Variants in MSH3 observed in about 807,000 individuals in gnomAD.
MSH3 encodes mutS homolog 3.
A neutral mutation model predicts 123.3 loss-of-function variants in MSH3; 106 were observed. The observed-to-expected ratio is 0.86, with a 90% CI of 0.73 to 1.01. MSH3 has a LOEUF of 1.01. Ranked by LOEUF, MSH3 falls within the 50% of genes least tolerant of loss-of-function variation. The pLI, the probability that MSH3 is intolerant of heterozygous loss-of-function variation, is 0.00. For synonymous variants in MSH3, 515 were observed against 481.4 expected (o/e 1.07, Z -0.91); for missense variants, 1,459 against 1,347.6 (o/e 1.08, Z -1.29).
chr5:80,802,679 AACTATATGTTTGT>A lies in MSH3; in HGVS notation c.2655+9838_2655+9850del, dbSNP rs1744811365. 2.0e-5 allele frequency among the ~76,000 whole-genome samples: 3 copies of A among 152,072 alleles called. No individual in the cohort carries two copies. The South Asian group carries it at 6.2e-4, about 32-fold the overall frequency. On this transcript the variant is annotated intron_variant, in intron 19 of 23. Coordinates refer to ENST00000265081, the MANE Select transcript of MSH3 (RefSeq NM_002439.5). ...ATACTAGATCTTATTCATTGTATGTAACTATATGTTTGTACCCAAGGACCATTCACCTTCTTCA... is the reference window on the plus strand; with the variant it reads ...ATACTAGATCTTATTCATTGTATGTAACCCAAGGACCATTCACCTTCTTCA...
intron 7 of MSH3, 118 bp downstream of exon 7, chr5:80,675,246 C>T (rs2112816269): frequency 2.6e-6 from 3 of 1,143,546 alleles, no homozygotes; most frequent in East Asian, 2.4e-5. Context: ...GATAATTATA[C>T]AAGAAAAACA....
intron 22 of MSH3, among the ~76,000 whole-genome samples, chr5:80,869,130 C>G (rs1446453649): frequency 2.6e-5 from 4 of 152,156 alleles, no homozygotes; most frequent in Non-Finnish European, 4.4e-5. Flanking sequence ...AACAAGTCAC[C>G]TAACTTCACT....
chr5:80,824,361 G>A (rs564948993), intron 20 of MSH3, among the ~76,000 whole-genome samples: 3 of 151,102 alleles, frequency 2.0e-5, no homozygotes, highest in Non-Finnish European at 3.0e-5. Context: ...CTGGCCGGGT[G>A]GGGGCTGCCC....
chr5:80,688,611 C>G (rs1750149952), intron 8 of MSH3, among the ~76,000 whole-genome samples: 2 of 151,748 alleles, frequency 1.3e-5, no homozygotes, highest in Admixed American at 6.6e-5. Flanking sequence ...AGTTTTGGTG[C>G]CAAAATGAAG....
intron 8 of MSH3, 26 bp downstream of exon 8, chr5:80,679,119 A>G: frequency 6.2e-7 from 1 of 1,611,220 alleles, no homozygotes; most frequent in Non-Finnish European, 8.5e-7. Context: ...ACTGGAATAT[A>G]ATACCGATTC....
At chr5:80,811,427 C>T (rs1207989505) in intron 19 of MSH3, among the ~76,000 whole-genome samples, 1 of 151,974 alleles carries the variant, frequency 6.6e-6, no homozygotes, top group Non-Finnish European at 1.5e-5. Context: ...CTCAAAAGCT[C>T]TAAATGGTTT....
intron 20 of MSH3, among the ~76,000 whole-genome samples, chr5:80,822,975 A>G (rs39626): frequency 0.7 from 106,118 of 152,130 alleles, 37,098 homozygotes; most frequent in South Asian, 0.8. Context: ...AATTTATTCC[A>G]TCAAACATAC....
At chr5:80,747,006 A>G (rs1239216905) in intron 12 of MSH3, among the ~76,000 whole-genome samples, 2 of 152,210 alleles carry the variant, frequency 1.3e-5, no homozygotes, top group African/African-American at 2.4e-5. Flanking sequence ...AAGACATGGG[A>G]AACTGATGAG....
At chr5:80,714,906 A>ACT (rs1404061776) in intron 8 of MSH3, among the ~76,000 whole-genome samples, 1 of 151,890 alleles carries the variant, frequency 6.6e-6, no homozygotes, top group Admixed American at 6.6e-5. Flanking sequence ...TTAGTCCGAT[A>ACT]CTCTCTCTCT....
intron 6 of MSH3, among the ~76,000 whole-genome samples, chr5:80,673,193 C>T (rs1287643937): frequency 6.6e-6 from 1 of 152,118 alleles, no homozygotes; most frequent in Non-Finnish European, 1.5e-5. Context: ...GTGCTTAGGG[C>T]CTACAAGCTC....
intron 20 of MSH3, among the ~76,000 whole-genome samples, chr5:80,852,953 C>G (rs1294824405): frequency 6.6e-6 from 1 of 152,208 alleles, no homozygotes; most frequent in Non-Finnish European, 1.5e-5. Flanking sequence ...ATTCACAAAG[C>G]TGGCTACTGG....
At chr5:80,747,754 T>C (rs938562164) in intron 12 of MSH3, among the ~76,000 whole-genome samples, 3 of 152,164 alleles carry the variant, frequency 2.0e-5, no homozygotes, top group African/African-American at 7.2e-5. Flanking sequence ...TACTTACCAT[T>C]GTGTTACAGT....
rs1483408620 is a variant in MSH3, at chr5:80,875,850, T to G, written c.3402T>G (p.Ser1134=). The change falls in exon 24 of 24, where the codon TCT becomes TCG. Residue 1134 remains serine, a synonymous_variant. Transcript: ENST00000265081. ...TCAACATGGAAGAAACACAGACTTC[T>G]CTTCTTCATTAAAATGAAGACTACA... ...EEFNMEETQT[S]LLH 2 of 1,600,986 alleles carry G rather than the reference T, an allele frequency of 1.2e-6. No homozygotes were observed. The highest frequency in any genetic ancestry group is 2.2e-5 in the South Asian group (2 of 90,754).
At chr5:80,817,143 CCAA>C (rs1745118517) in intron 20 of MSH3, among the ~76,000 whole-genome samples, 2 of 152,212 alleles carry the variant, frequency 1.3e-5, no homozygotes, top group African/African-American at 4.8e-5. Flanking sequence ...AGGTTGAAAA[CCAA>C]CAAAGGAGGT....
chr5:80,694,422 A>C (rs946646932), intron 8 of MSH3, among the ~76,000 whole-genome samples: 1 of 152,088 alleles, frequency 6.6e-6, no homozygotes, highest in South Asian at 2.1e-4. Flanking sequence ...ACCTCTGTCT[A>C]TGCTTCTTTA....
chr5:80,707,569 CAAAA>C (rs138657678), intron 8 of MSH3, among the ~76,000 whole-genome samples: 16,033 of 150,728 alleles, frequency 0.11, 841 homozygotes, highest in South Asian at 0.15. Flanking sequence ...AAAAAAAAAA[CAAAA>C]AAACCCCAAA....
intron 8 of MSH3, among the ~76,000 whole-genome samples, chr5:80,701,448 G>A (rs1391046605): frequency 2.0e-5 from 3 of 152,164 alleles, no homozygotes; most frequent in Non-Finnish European, 4.4e-5. Context: ...GTTTGATACT[G>A]GTGAGTTCAC....
intron 19 of MSH3, among the ~76,000 whole-genome samples, chr5:80,803,692 G>A (rs1276503702): frequency 1.3e-5 from 2 of 152,010 alleles, no homozygotes; most frequent in Non-Finnish European, 1.5e-5. Flanking sequence ...TTTTCTTCTA[G>A]TAGTTTCATA....
intron 20 of MSH3, among the ~76,000 whole-genome samples, chr5:80,820,512 T>TTCC (rs1561488924): frequency 6.6e-6 from 1 of 152,136 alleles, no homozygotes; most frequent in Non-Finnish European, 1.5e-5. Context: ...TTATCCCCTA[T>TTCC]TCCTAGTACT....
Sources: allele counts gnomAD v4.1 joint callset (sites outside exome capture counted in the v4.1 genomes callset), GRCh38; gene constraint gnomAD v4.1.1; transcripts MANE v1.5; gene names NCBI Gene and HGNC (gene_info 2026-07-23, HGNC 2026-07-21).